Variants in PRKG1 observed in about 807,000 individuals in gnomAD.
The protein encoded by PRKG1 is protein kinase cGMP-dependent 1.
In PRKG1, 35 loss-of-function variants were observed where a neutral mutation model predicts 88.1. The observed-to-expected ratio is 0.40, with a 90% CI of 0.30 to 0.53. PRKG1 has a LOEUF of 0.53. Ranked by LOEUF, PRKG1 falls within the 20% of genes least tolerant of loss-of-function variation. The pLI is 0.59. For synonymous variants in PRKG1, 303 were observed against 292.5 expected, an observed-to-expected ratio of 1.04 and a Z score of -0.37; for missense variants, 540 against 839.8, an observed-to-expected ratio of 0.64 and a Z score of 4.41.
intron 2 of PRKG1, among the ~76,000 whole-genome samples, chr10:51,226,194 A>T (rs1479861135): frequency 6.6e-6 from 1 of 152,090 alleles, no homozygotes; most frequent in African/African-American, 2.4e-5. Context: ...ACAGAGTGAG[A>T]CTCTGTCTGC....
At chr10:51,935,444 C>T (rs11000193) in intron 5 of PRKG1, among the ~76,000 whole-genome samples, 1 of 151,926 alleles carries the variant, frequency 6.6e-6, no homozygotes, top group African/African-American at 2.4e-5. Context: ...TACCGAACTC[C>T]TACAACTGGA....
intron 3 of PRKG1, among the ~76,000 whole-genome samples, chr10:51,560,165 A>G (rs922068891): frequency 1.3e-5 from 2 of 152,112 alleles, no homozygotes; most frequent in East Asian, 1.9e-4. Flanking sequence ...AAACAAACTC[A>G]TTCCCCTTTT....
chr10:51,778,406 GA>G (rs1385390884), intron 3 of PRKG1, among the ~76,000 whole-genome samples: 1 of 152,168 alleles, frequency 6.6e-6, no homozygotes, highest in African/African-American at 2.4e-5. Context: ...ACCAGCAGCA[GA>G]AAGCTGTGTT....
At chr10:51,403,338 A>G (rs949306699) in intron 2 of PRKG1, among the ~76,000 whole-genome samples, 1 of 152,186 alleles carries the variant, frequency 6.6e-6, no homozygotes, top group Admixed American at 6.5e-5. Context: ...CTAAAGTTGC[A>G]TTTGATTAGA....
At chr10:51,359,516 A>G (rs929899109) in intron 2 of PRKG1, among the ~76,000 whole-genome samples, 2 of 151,780 alleles carry the variant, frequency 1.3e-5, no homozygotes, top group African/African-American at 2.4e-5. Context: ...ATATATGTAA[A>G]TGAACTATGA....
intron 5 of PRKG1, among the ~76,000 whole-genome samples, chr10:52,013,987 T>G (rs1286733621): frequency 6.6e-6 from 1 of 152,160 alleles, no homozygotes; most frequent in African/African-American, 2.4e-5. Context: ...TTCCTGCTTT[T>G]TCCTTAGTTA....
chr10:51,459,947 G>A (rs1016128526), intron 2 of PRKG1, among the ~76,000 whole-genome samples: 2 of 152,114 alleles, frequency 1.3e-5, no homozygotes, highest in Non-Finnish European at 2.9e-5. Context: ...AAGTTAATAT[G>A]ATAAATAGTG....
chr10:52,187,418 T>A (rs910725719), intron 9 of PRKG1, among the ~76,000 whole-genome samples: 3 of 151,870 alleles, frequency 2.0e-5, no homozygotes, highest in Non-Finnish European at 2.9e-5. Context: ...AAAAAAAAAA[T>A]TTATAATAGA....
At chr10:51,017,628 A>G (rs944236708) in intron 1 of PRKG1, among the ~76,000 whole-genome samples, 1 of 152,120 alleles carries the variant, frequency 6.6e-6, no homozygotes. Context: ...CCCAGTTATA[A>G]AACAGTTGCA....
At chr10:51,563,043 G>A (rs561846520) in intron 3 of PRKG1, among the ~76,000 whole-genome samples, 101 of 152,270 alleles carry the variant, frequency 6.6e-4, no homozygotes, top group Non-Finnish European at 1.1e-3. Context: ...GCCTCCCAAA[G>A]TATGAGGATT....
intron 7 of PRKG1, among the ~76,000 whole-genome samples, chr10:52,096,520 C>T (rs1358162094): frequency 1.3e-5 from 2 of 152,168 alleles, no homozygotes; most frequent in Admixed American, 1.3e-4. Flanking sequence ...CCTTCTTAAG[C>T]CCTCTTCCAT....
chr10:51,729,982 G>A (rs559145691), intron 3 of PRKG1, among the ~76,000 whole-genome samples: 9 of 152,098 alleles, frequency 5.9e-5, no homozygotes, highest in Admixed American at 2.6e-4. Context: ...ACGGTGGTAC[G>A]TTCGTTACAA....
chr10:52,069,159 T>C (rs1480191665), intron 7 of PRKG1, among the ~76,000 whole-genome samples: 1 of 152,230 alleles, frequency 6.6e-6, no homozygotes, highest in Non-Finnish European at 1.5e-5. Flanking sequence ...TAGTCTGTGA[T>C]CATGGAAAAG....
chr10:51,556,853 C>T (rs1481595405), intron 3 of PRKG1, among the ~76,000 whole-genome samples: 1 of 152,008 alleles, frequency 6.6e-6, no homozygotes, highest in African/African-American at 2.4e-5. Flanking sequence ...CAAACCTGTA[C>T]ATGTTCCCTT....
At position 51,094,436 on chromosome 10, in the gene PRKG1, A is replaced by T. The variant is rs185943392; in HGVS notation, c.311+19535A>T. 5.2e-3 allele frequency among the ~76,000 whole-genome samples: 795 copies of T among 152,234 alleles called. 6 individuals are homozygous for T. Among genetic ancestry groups the T allele is most frequent in the Non-Finnish European group, 8.2e-3 (560 of 68,010 alleles). On this transcript the variant is annotated intron_variant, in intron 1 of 17. Coordinates refer to ENST00000373980, the MANE Select transcript of PRKG1 (RefSeq NM_006258.4). ...TCGTGTTTGGTTTTGAGCTATGAATATAAGAAATTCTAAAAATTAAAATAC... is the reference window on the plus strand; with the variant it reads ...TCGTGTTTGGTTTTGAGCTATGAATTTAAGAAATTCTAAAAATTAAAATAC...
intron 3 of PRKG1, among the ~76,000 whole-genome samples, chr10:51,586,963 A>G (rs933538597): frequency 2.6e-5 from 4 of 152,174 alleles, no homozygotes; most frequent in Non-Finnish European, 4.4e-5. Context: ...AAATCTAGTC[A>G]TTTAAGTGTG....
intron 2 of PRKG1, among the ~76,000 whole-genome samples, chr10:51,329,628 T>C (rs936671269): frequency 1.3e-5 from 2 of 152,220 alleles, no homozygotes; most frequent in African/African-American, 2.4e-5. Flanking sequence ...ATGAACCCCC[T>C]CAACTTTTGT....
intron 14 of PRKG1, among the ~76,000 whole-genome samples, chr10:52,286,479 G>T (rs1403209829): frequency 1.3e-5 from 2 of 152,008 alleles, no homozygotes; most frequent in Non-Finnish European, 2.9e-5. Flanking sequence ...CTAGTAAAAA[G>T]ATTGATGAGC....
chr10:52,186,191 TG>T (rs1839196608), intron 9 of PRKG1, among the ~76,000 whole-genome samples: 1 of 152,190 alleles, frequency 6.6e-6, no homozygotes. Flanking sequence ...TGCTGGCACC[TG>T]CTTCTGGTGA....
Sources: gnomAD v4.1 joint callset for allele counts (sites outside exome capture counted in the v4.1 genomes callset) on GRCh38, gnomAD v4.1.1 for gene constraint, MANE v1.5 for transcripts, NCBI Gene and HGNC (gene_info 2026-07-23, HGNC 2026-07-21) for gene names.